Variants in RMI1 observed in about 807,000 individuals in gnomAD.
RMI1 encodes RecQ mediated genome instability 1, also known as recQ-mediated genome instability protein 1.
In RMI1, 36 loss-of-function variants were observed where a neutral mutation model predicts 46.7. The ratio of observed to expected loss-of-function variants is 0.77; its 90% CI spans 0.59 to 1.02. RMI1 has a LOEUF of 1.02. RMI1 is among the 50% of genes least tolerant of loss of function. The pLI is 0.00. For synonymous variants in RMI1, 250 were observed against 252.9 expected (o/e 0.99, Z 0.11); for missense variants, 676 against 713.7 (o/e 0.95, Z 0.60).
At chr9:83,996,299 C>T (rs1029013970) in intron 1 of RMI1, among the ~76,000 whole-genome samples, 11 of 152,198 alleles carry the variant, frequency 7.2e-5, no homozygotes, top group Admixed American at 1.3e-4. Context: ...ACTCTGTTCC[C>T]GCCACATGTA....
rs1957748251 is a variant in RMI1, at chr9:84,002,180, C to G, written c.1194C>G (p.Asn398Lys). 6.2e-7 allele frequency: 1 copy of G among 1,613,514 alleles called. No individual in the cohort carries two copies. The highest frequency in any genetic ancestry group is 8.5e-7 in the Non-Finnish European group (1 of 1,179,776). The change falls in exon 3 of 3, where the codon AAC becomes AAG. Residue 398 changes from asparagine to lysine, a missense_variant. Coordinates refer to ENST00000445877, the MANE Select transcript of RMI1 (RefSeq NM_001358291.2). ...SFGCPSVRDQNRSIFSVHCNV... is the reference protein window; with the variant it reads ...SFGCPSVRDQKRSIFSVHCNV... ...GTTGTCCATCTGTTAGAGACCAAAACAGGAGTATTTTTTCAGTTCATTGTA... is the reference window on the plus strand; with the variant it reads ...GTTGTCCATCTGTTAGAGACCAAAAGAGGAGTATTTTTTCAGTTCATTGTA...
chr9:83,992,311 C>CT (rs777315733), intron 1 of RMI1, among the ~76,000 whole-genome samples: 1 of 152,090 alleles, frequency 6.6e-6, no homozygotes, highest in Non-Finnish European at 1.5e-5. Context: ...TAACATTGAA[C>CT]TTACACAGCC....
intron 1 of RMI1, among the ~76,000 whole-genome samples, chr9:83,998,217 T>A (rs1021602025): frequency 6.6e-6 from 1 of 152,164 alleles, no homozygotes; most frequent in African/African-American, 2.4e-5. Flanking sequence ...AGTAAAGACT[T>A]TTTGTACTTT....
At chr9:83,992,924 A>G (rs915166012) in intron 1 of RMI1, 27 of 152,054 alleles carry the variant, frequency 1.8e-4, no homozygotes, top group African/African-American at 6.3e-4. Context: ...ACATCAAATA[A>G]ATTTACCTAC....
At chr9:83,981,189 T>A (rs1323654180) in intron 1 of RMI1, among the ~76,000 whole-genome samples, 9 of 152,160 alleles carry the variant, frequency 5.9e-5, no homozygotes, top group Non-Finnish European at 1.0e-4. Context: ...CTGGAGAACT[T>A]CTCGCCGAGA....
intron 1 of RMI1, among the ~76,000 whole-genome samples, chr9:83,997,022 A>G (rs1052513682): frequency 7.9e-5 from 12 of 151,600 alleles, no homozygotes; most frequent in Admixed American, 5.3e-4. Context: ...GGGTGGTTTT[A>G]AAGATAGAGG....
At chr9:83,999,629 A>G (rs1380165980) in intron 1 of RMI1, 80 bp from the exon 2 acceptor site, 1 of 152,098 alleles carries the variant, frequency 6.6e-6, no homozygotes, top group African/African-American at 2.4e-5. Context: ...ATACCATCAA[A>G]CTCTTGCACT....
At chr9:83,992,655 T>C (rs73471387) in intron 1 of RMI1, among the ~76,000 whole-genome samples, 5,117 of 152,242 alleles carry the variant, frequency 0.034, 266 homozygotes, top group African/African-American at 0.11. Flanking sequence ...GCAGTAAATA[T>C]TGATTTTGGG....
chr9:83,999,685 A>G (rs183484800), intron 1 of RMI1, 24 bp from the exon 2 acceptor site: 5 of 152,296 alleles, frequency 3.3e-5, no homozygotes, highest in Admixed American at 3.3e-4. Flanking sequence ...TATAACTCTT[A>G]CTGCTTTTTG....
rs930890130 is a variant in RMI1, at chr9:84,003,114, A to G, written c.*250A>G. ...CAGGCTAGAGTGCAGTGGCATGATCATAGGTTATTGCATCAACCTCTTGAG... is the reference window on the plus strand; with the variant it reads ...CAGGCTAGAGTGCAGTGGCATGATCGTAGGTTATTGCATCAACCTCTTGAG... On this transcript the variant is annotated 3_prime_UTR_variant, in exon 3 of 3. Transcript: ENST00000445877. 1 of 277,640 alleles carries G rather than the reference A, an allele frequency of 3.6e-6. No individual in the cohort carries two copies. Among genetic ancestry groups the G allele is most frequent in the Non-Finnish European group, 7.1e-6 (1 of 139,930 alleles). The allele number at this position is 277,640 out of a possible 1,614,324, so 17.2% of individuals were successfully genotyped here. A position where few individuals can be genotyped will look rare whatever the true frequency, so the allele number is the denominator to read the frequency against.
At chr9:83,983,514 T>A (rs1399303454) in intron 1 of RMI1, among the ~76,000 whole-genome samples, 2 of 152,180 alleles carry the variant, frequency 1.3e-5, no homozygotes, top group Middle Eastern at 3.4e-3. Context: ...AACTGTGGAG[T>A]AGATTTAAAT....
rs140035310 is a variant in RMI1, at chr9:84,001,846, C to T, written c.860C>T (p.Pro287Leu). ...TIPTRQSSFEPEFVISPRPKE... is the reference protein window; with the variant it reads ...TIPTRQSSFELEFVISPRPKE... ...CCCACAAGACAGTCAAGTTTTGAGC[C>T]AGAATTTGTTATTTCTCCAAGACCA... The change falls in exon 3 of 3, where the codon CCA becomes CTA. Residue 287 changes from proline to leucine, a missense_variant. Coordinates refer to ENST00000445877, the MANE Select transcript of RMI1 (RefSeq NM_001358291.2). 4.9e-5 allele frequency: 79 copies of T among 1,613,886 alleles called. No individual in the cohort carries two copies. The highest frequency in any genetic ancestry group is 6.4e-5 in the Non-Finnish European group (76 of 1,179,952).
At chr9:83,989,703 G>T (rs1346038333) in intron 1 of RMI1, among the ~76,000 whole-genome samples, 2 of 151,642 alleles carry the variant, frequency 1.3e-5, no homozygotes, top group African/African-American at 4.8e-5. Context: ...AAAGATTCTT[G>T]TGAGGATAAA....
rs766806047 is a variant in RMI1, at chr9:84,002,686, A to G, written c.1700A>G (p.Asp567Gly). 23 of 1,613,814 alleles carry G rather than the reference A, an allele frequency of 1.4e-5. No homozygotes were observed. Among genetic ancestry groups the G allele is most frequent in the Non-Finnish European group, 1.9e-5 (22 of 1,179,928 alleles). ...CCAGAAATGAAACAGTCAAAAAAGGATCCTCTTCAATACCAAAAGTTCCTG... is the reference window on the plus strand; with the variant it reads ...CCAGAAATGAAACAGTCAAAAAAGGGTCCTCTTCAATACCAAAAGTTCCTG... ...SVPEMKQSKK[D>G]PLQYQKFLEG... Residue 567 changes from aspartate (D) to glycine (G), a missense_variant, in exon 3 of 3, where the codon GAT becomes GGT. Physicochemically the swap from Asp to Gly is moderately conservative, Grantham distance 94. Transcript: ENST00000445877.
chr9:84,000,998 T>A lies in RMI1; in HGVS notation c.12T>A (p.Thr4=). Reference sequence around the variant, plus strand: ...TTTATTTAAAAGAAATGAATGTGACTAGTATTGCATTAAGAGCTGAAACTT... The same window carrying A: ...TTTATTTAAAAGAAATGAATGTGACAAGTATTGCATTAAGAGCTGAAACTT... MNV[T]SIALRAETWL... The change falls in exon 3 of 3, where the codon ACT becomes ACA. Residue 4 remains threonine (T), a synonymous_variant. Coordinates refer to ENST00000445877, the MANE Select transcript of RMI1 (RefSeq NM_001358291.2). The A allele has an allele frequency of 1.3e-6, 2 of 1,599,926 alleles. No homozygotes were observed. Among genetic ancestry groups the A allele is most frequent in the South Asian group, 2.2e-5 (2 of 89,500 alleles).
At position 84,002,359 on chromosome 9, in the gene RMI1, T is replaced by G. The variant is rs1957751654; in HGVS notation, c.1373T>G (p.Ile458Ser). The change falls in exon 3 of 3, where the codon ATT becomes AGT. Residue 458 changes from isoleucine (I) to serine (S), a missense_variant. Transcript: ENST00000445877. ...TATGTACAGAAAAGGAATTCACAAA[T>G]TTCTAATGAAAATGATTGTAATTTA... ...VNYVQKRNSQ[I>S]SNENDCNLQS... 1 of 1,607,908 alleles carries G rather than the reference T, an allele frequency of 6.2e-7. No homozygotes were observed. The highest frequency in any genetic ancestry group is 8.5e-7 in the Non-Finnish European group (1 of 1,175,794).
intron 1 of RMI1, 99 bp downstream of exon 1, chr9:83,980,990 A>C (rs572832349): frequency 6.6e-6 from 1 of 152,464 alleles, no homozygotes; most frequent in South Asian, 2.1e-4. Flanking sequence ...GGGCTGTGGG[A>C]CGAGCTGCGG....
At chr9:84,000,379 G>A (rs1348347144) in intron 2 of RMI1, among the ~76,000 whole-genome samples, 1 of 152,038 alleles carries the variant, frequency 6.6e-6, no homozygotes, top group Non-Finnish European at 1.5e-5. Context: ...TCATACCCTG[G>A]ACTTGGATCA....
At chr9:83,982,029 C>T (rs1201143998) in intron 1 of RMI1, among the ~76,000 whole-genome samples, 4 of 152,188 alleles carry the variant, frequency 2.6e-5, no homozygotes, top group African/African-American at 9.7e-5. Flanking sequence ...AAATGGTCCC[C>T]ACCATGAAGA....
Sources: allele counts gnomAD v4.1 joint callset (sites outside exome capture counted in the v4.1 genomes callset), GRCh38; gene constraint gnomAD v4.1.1; transcripts MANE v1.5; gene names NCBI Gene and HGNC (gene_info 2026-07-23, HGNC 2026-07-21).